The following SUMO3 variants were observed in gnomAD, a reference collection of about 807,000 sequenced individuals.
SUMO3 encodes the protein small ubiquitin like modifier 3, also known as small ubiquitin-related modifier 3.
In SUMO3, 2 loss-of-function variants were observed where a neutral mutation model predicts 11.1. The observed-to-expected ratio is 0.18, with a 90% CI of 0.07 to 0.57. The LOEUF is 0.57. SUMO3 is among the 20% of genes least tolerant of loss of function. SUMO3 has a pLI of 0.92. For synonymous variants in SUMO3, 56 were observed against 53.5 expected, an observed-to-expected ratio of 1.05 and a Z score of -0.20; for missense variants, 70 against 132.8, an observed-to-expected ratio of 0.53 and a Z score of 2.32.
rs574101160 is a variant in SUMO3, at chr21:44,811,199, G to A, written c.151-2081C>T. Among the ~76,000 whole-genome samples, 3 of 151,712 alleles carry A rather than the reference G, an allele frequency of 2.0e-5. No homozygotes were observed. The highest frequency in any genetic ancestry group is 2.1e-4 in the South Asian group (1 of 4,806). ...ATACACACACATGCACAAAGACACG[G>A]ACATACACACCACACACACCTACAC... On this transcript the variant is annotated intron_variant, in intron 2 of 3. Coordinates refer to ENST00000332859, the MANE Select transcript of SUMO3 (RefSeq NM_006936.3). This position sits in a 1 kb window ranked among gnomAD's most constrained non-coding sequence, Gnocchi z 5.0.
At chr21:44,817,406 G>A (rs1384278541) in intron 1 of SUMO3, among the ~76,000 whole-genome samples, 1 of 152,060 alleles carries the variant, frequency 6.6e-6, no homozygotes, top group Non-Finnish European at 1.5e-5. Context: ...CGCCCTGGAA[G>A]GACGGCAGTG....
intron 1 of SUMO3, among the ~76,000 whole-genome samples, chr21:44,814,923 A>T (rs369413991): frequency 2.6e-4 from 39 of 152,352 alleles, no homozygotes; most frequent in Admixed American, 7.8e-4. Context: ...CAAAAAGCTG[A>T]TGTCAAGAGA....
In SUMO3 at chr21:44,811,046, ACG is replaced by A. The variant is rs1491130911; in HGVS notation, c.151-1930_151-1929del. 2.0e-5 allele frequency among the ~76,000 whole-genome samples: 3 copies of A among 149,898 alleles called. No individual in the cohort carries two copies. The highest frequency in any genetic ancestry group is 7.3e-5 in the African/African-American group (3 of 40,840). Reference sequence around the variant, plus strand: ...CACACGCACACACCCACATACACACACGCACACACCCACACATACACACACAC... The same window carrying A: ...CACACGCACACACCCACATACACACACACACACCCACACATACACACACAC... On this transcript the variant is annotated intron_variant, in intron 2 of 3. Transcript: ENST00000332859. This position sits in a 1 kb window ranked among gnomAD's most constrained non-coding sequence, Gnocchi z 5.0.
chr21:44,811,927 A>T lies in SUMO3; in HGVS notation c.150+2049T>A, dbSNP rs1159594188. 6.6e-6 allele frequency among the ~76,000 whole-genome samples: 1 copy of T among 152,190 alleles called. No individual in the cohort carries two copies. The highest frequency in any genetic ancestry group is 2.4e-5 in the African/African-American group (1 of 41,442). On this transcript the variant is annotated intron_variant, in intron 2 of 3. Coordinates refer to ENST00000332859, the MANE Select transcript of SUMO3 (RefSeq NM_006936.3). The surrounding 1 kb of genome is among the most constrained non-coding windows in gnomAD (Gnocchi z 5.0). ...CATAAAGTGCCCAGCAGCATGAGTGAGAAAATCACCCACCTCTGAGGCACA... is the reference window on the plus strand; with the variant it reads ...CATAAAGTGCCCAGCAGCATGAGTGTGAAAATCACCCACCTCTGAGGCACA...
In SUMO3 at chr21:44,806,909, C is replaced by T. The variant is rs966878129; in HGVS notation, c.*42G>A. On this transcript the variant is annotated 3_prime_UTR_variant, in exon 4 of 4. Coordinates refer to ENST00000332859, the MANE Select transcript of SUMO3 (RefSeq NM_006936.3). ...GCATGGTCACGTGCTCACCATTCAA[C>T]AGCAATGCGAGGATGGACGGCCCGG... 2.5e-6 allele frequency: 4 copies of T among 1,612,804 alleles called. No individual in the cohort carries two copies. The highest frequency in any genetic ancestry group is 3.4e-6 in the Non-Finnish European group (4 of 1,179,338).
At position 44,811,185 on chromosome 21, in the gene SUMO3, T is replaced by G. The variant is rs1218604603; in HGVS notation, c.151-2067A>C. 6.6e-6 allele frequency among the ~76,000 whole-genome samples: 1 copy of G among 150,524 alleles called. No individual in the cohort carries two copies. The highest frequency in any genetic ancestry group is 1.5e-5 in the Non-Finnish European group (1 of 67,616). Reference sequence around the variant, plus strand: ...GCACACACCCACACATACACACACATGCACAAAGACACGGACATACACACC... The same window carrying G: ...GCACACACCCACACATACACACACAGGCACAAAGACACGGACATACACACC... On this transcript the variant is annotated intron_variant, in intron 2 of 3. Transcript: ENST00000332859. This position sits in a 1 kb window ranked among gnomAD's most constrained non-coding sequence, Gnocchi z 5.0.
In SUMO3 at chr21:44,806,825, A is replaced by G; in HGVS notation, c.*126T>C. On this transcript the variant is annotated 3_prime_UTR_variant, in exon 4 of 4. Coordinates refer to ENST00000332859, the MANE Select transcript of SUMO3 (RefSeq NM_006936.3). ...TTTGAGTTGCACTTGAAGTACATCAAAGAGAGGAAAATCATCGTGGTGAAT... is the reference window on the plus strand; with the variant it reads ...TTTGAGTTGCACTTGAAGTACATCAGAGAGAGGAAAATCATCGTGGTGAAT... The G allele has an allele frequency of 1.3e-6, 2 of 1,483,486 alleles. No homozygotes were observed. The highest frequency in any genetic ancestry group is 1.8e-6 in the Non-Finnish European group (2 of 1,109,968). 91.9% of individuals were successfully genotyped at this position (1,483,486 alleles called of 1,614,324 possible). A position where few individuals can be genotyped will look rare whatever the true frequency, so the allele number is the denominator to read the frequency against.
Position 44,814,794 on chromosome 21 carries a change from C to G in SUMO3, c.22-690G>C, listed in dbSNP as rs2083234161. 2.0e-5 allele frequency among the ~76,000 whole-genome samples: 3 copies of G among 152,182 alleles called. No individual in the cohort carries two copies. The South Asian group carries it at 6.2e-4, about 32-fold the overall frequency. On this transcript the variant is annotated intron_variant, in intron 1 of 3. Coordinates refer to ENST00000332859, the MANE Select transcript of SUMO3 (RefSeq NM_006936.3). Reference sequence around the variant, plus strand: ...CGAGTACTTTCTGGTTTCAAACTGTCCTATCTGAGCGGCAGTAGGTGGTAC... The same window carrying G: ...CGAGTACTTTCTGGTTTCAAACTGTGCTATCTGAGCGGCAGTAGGTGGTAC...
intron 2 of SUMO3, chr21:44,813,688 A>G: frequency 2.4e-6 from 2 of 842,210 alleles, no homozygotes; most frequent in East Asian, 5.3e-5. Context: ...CACAGATGTT[A>G]GTACCCCATG....
chr21:44,806,899 C>A lies in SUMO3; in HGVS notation c.*52G>T. 6.2e-7 allele frequency: 1 copy of A among 1,610,346 alleles called. No homozygotes were observed. Among genetic ancestry groups the A allele is most frequent in the South Asian group, 1.1e-5 (1 of 90,754 alleles). ...TTTGTGGTCGGCATGGTCACGTGCTCACCATTCAACAGCAATGCGAGGATG... is the reference window on the plus strand; with the variant it reads ...TTTGTGGTCGGCATGGTCACGTGCTAACCATTCAACAGCAATGCGAGGATG... On this transcript the variant is annotated 3_prime_UTR_variant, in exon 4 of 4. Transcript: ENST00000332859.
At chr21:44,814,155 C>T (rs777359912) in intron 1 of SUMO3, 51 bp from the exon 2 acceptor site, 6 of 1,590,714 alleles carry the variant, frequency 3.8e-6, no homozygotes, top group East Asian at 4.5e-5. Context: ...AAAATAACCG[C>T]GACTTGAATG....
In SUMO3 at chr21:44,810,220, G is replaced by A. The variant is rs183296066; in HGVS notation, c.151-1102C>T. ...CTCCCTCCTGAAACCCCACTGAAAT[G>A]AAGTAAATGAAAAAGGCACAAACAG... On this transcript the variant is annotated intron_variant, in intron 2 of 3. Coordinates refer to ENST00000332859, the MANE Select transcript of SUMO3 (RefSeq NM_006936.3). This position sits in a 1 kb window ranked among gnomAD's most constrained non-coding sequence, Gnocchi z 4.1. 4.9e-3 allele frequency among the ~76,000 whole-genome samples: 751 copies of A among 152,322 alleles called. 3 individuals are homozygous for A. Among genetic ancestry groups the A allele is most frequent in the Admixed American group, 7.4e-3 (113 of 15,296 alleles).
Position 44,806,929 on chromosome 21 carries a change from G to A in SUMO3, c.*22C>T. On this transcript the variant is annotated 3_prime_UTR_variant, in exon 4 of 4. Coordinates refer to ENST00000332859, the MANE Select transcript of SUMO3 (RefSeq NM_006936.3). ...TTCAACAGCAATGCGAGGATGGACG[G>A]CCCGGGCTGGGGACGGGCCCTCTAG... 1.9e-6 allele frequency: 3 copies of A among 1,613,950 alleles called. No homozygotes were observed. The highest frequency in any genetic ancestry group is 2.7e-5 in the African/African-American group (2 of 75,026).
rs9306115 is a variant in SUMO3, at chr21:44,813,156, A to C, written c.150+820T>G. On this transcript the variant is annotated intron_variant, in intron 2 of 3. Transcript: ENST00000332859. ...AATCTAACTGAAAATCCACAGGCAA[A>C]AGAGTAAAATAAAAGGGCAACGAGT... 2.0e-5 allele frequency among the ~76,000 whole-genome samples: 3 copies of C among 152,106 alleles called. No homozygotes were observed. The East Asian group carries it at 5.8e-4, about 29-fold the overall frequency.
At chr21:44,815,765 G>A (rs1240461351) in intron 1 of SUMO3, among the ~76,000 whole-genome samples, 1 of 152,090 alleles carries the variant, frequency 6.6e-6, no homozygotes, top group Non-Finnish European at 1.5e-5. Context: ...GGCTGGGGCA[G>A]GGCAGGGCCG....
chr21:44,808,274 G>A (rs747431914), intron 3 of SUMO3: 29 of 292,492 alleles, frequency 9.9e-5, no homozygotes, highest in Middle Eastern at 9.9e-4. Flanking sequence ...GCACTTTGGG[G>A]GGCTGAGGTG....
In SUMO3 at chr21:44,807,829, G is replaced by A. The variant is rs1601210546; in HGVS notation, c.223-789C>T. 6.6e-6 allele frequency among the ~76,000 whole-genome samples: 1 copy of A among 152,142 alleles called. No homozygotes were observed. The highest frequency in any genetic ancestry group is 1.9e-4 in the East Asian group (1 of 5,166). ...TCCACCTGTCCACAGCCAGCCCCCTGACCCCCAGTCAAGCCCCAGAGACTC... is the reference window on the plus strand; with the variant it reads ...TCCACCTGTCCACAGCCAGCCCCCTAACCCCCAGTCAAGCCCCAGAGACTC... On this transcript the variant is annotated intron_variant, in intron 3 of 3. Transcript: ENST00000332859. This position sits in a 1 kb window ranked among gnomAD's most constrained non-coding sequence, Gnocchi z 4.3.
At chr21:44,809,168 G>T (rs1467218186) in intron 2 of SUMO3, 50 bp from the exon 3 acceptor site, 2 of 1,581,854 alleles carry the variant, frequency 1.3e-6, no homozygotes, top group Non-Finnish European at 1.7e-6. Flanking sequence ...GCCCTGGAAA[G>T]GAAAAGCAGT....
In SUMO3 at chr21:44,818,059, C is replaced by G; in HGVS notation, c.-91G>C. 9.6e-7 allele frequency: 1 copy of G among 1,046,140 alleles called. No individual in the cohort carries two copies. 64.8% of individuals were successfully genotyped at this position (1,046,140 alleles called of 1,614,324 possible). A position where few individuals can be genotyped will look rare whatever the true frequency, so the allele number is the denominator to read the frequency against. On this transcript the variant is annotated 5_prime_UTR_variant, in exon 1 of 4. Transcript: ENST00000332859. Reference sequence around the variant, plus strand: ...CGGCCCCGCCGCTCTCCCGCCGCAACTGTGCGCGGGGCCGCGCTTTATCCC... The same window carrying G: ...CGGCCCCGCCGCTCTCCCGCCGCAAGTGTGCGCGGGGCCGCGCTTTATCCC...
Sources: allele counts gnomAD v4.1 joint callset (sites outside exome capture counted in the v4.1 genomes callset), GRCh38; gene constraint gnomAD v4.1.1; non-coding constraint Gnocchi (gnomAD v3.1); transcripts MANE v1.5; gene names NCBI Gene and HGNC (gene_info 2026-07-23, HGNC 2026-07-21).